Variants in RNLS observed in about 807,000 individuals in gnomAD.
The protein encoded by RNLS is renalase, FAD dependent amine oxidase.
Under a neutral mutation model 39.8 loss-of-function variants are expected in RNLS, and 39 were observed. The ratio of observed to expected loss-of-function variants is 0.98; its 90% CI spans 0.76 to 1.28. RNLS has a LOEUF of 1.28. RNLS is among the 50% of genes most tolerant of loss of function. The pLI, the probability that RNLS is intolerant of heterozygous loss-of-function variation, is 0.00. For missense variants in RNLS, 410 were observed against 413.3 expected, an observed-to-expected ratio of 0.99 and a Z score of 0.07; for synonymous variants, 147 against 150.7, an observed-to-expected ratio of 0.98 and a Z score of 0.18.
At chr10:88,324,163 A>G (rs1393084255) in intron 5 of RNLS, among the ~76,000 whole-genome samples, 1 of 152,110 alleles carries the variant, frequency 6.6e-6, no homozygotes, top group Non-Finnish European at 1.5e-5. Context: ...CCCTACGGAA[A>G]ACGGTATGGA....
chr10:88,269,996 C>T (rs1040031924), downstream of RNLS, among the ~76,000 whole-genome samples: 1 of 152,134 alleles, frequency 6.6e-6, no homozygotes, highest in Non-Finnish European at 1.5e-5. Flanking sequence ...TCCAGGCGTG[C>T]GTGACCACGC....
At chr10:88,525,281 T>C (rs1390712141) in intron 4 of RNLS, among the ~76,000 whole-genome samples, 1 of 151,854 alleles carries the variant, frequency 6.6e-6, no homozygotes, top group African/African-American at 2.4e-5. Flanking sequence ...ATTTTTTCAC[T>C]AATATAAACT....
At chr10:88,216,839 T>C in the RNLS span, among the ~76,000 whole-genome samples, 1 of 152,226 alleles carries the variant, frequency 6.6e-6, no homozygotes, top group Non-Finnish European at 1.5e-5. Context: ...TGTCTTTATC[T>C]GGAAATAATC....
At chr10:88,260,132 G>T in the RNLS span, among the ~76,000 whole-genome samples, 5 of 152,160 alleles carry the variant, frequency 3.3e-5, no homozygotes, top group African/African-American at 1.2e-4. Context: ...GCTCCCAAGA[G>T]AACACAATCT....
the RNLS span, among the ~76,000 whole-genome samples, chr10:88,218,079 G>A: frequency 3.3e-5 from 5 of 152,046 alleles, no homozygotes; most frequent in African/African-American, 7.2e-5. Flanking sequence ...AAAGACTCCC[G>A]ATTTTCTGGT....
chr10:88,377,404 A>G (rs1177471637), intron 4 of RNLS, among the ~76,000 whole-genome samples: 1 of 152,180 alleles, frequency 6.6e-6, no homozygotes, highest in African/African-American at 2.4e-5. Flanking sequence ...GTTCTGAGAA[A>G]TTCATCATTA....
At chr10:88,405,245 A>G (rs967442787) in intron 4 of RNLS, among the ~76,000 whole-genome samples, 3 of 152,048 alleles carry the variant, frequency 2.0e-5, no homozygotes, top group Admixed American at 6.6e-5. Flanking sequence ...TCTGGCAGAT[A>G]CAATTCGGGC....
At position 88,473,425 on chromosome 10, in the gene RNLS, AAC is replaced by A. The variant is rs112846794; in HGVS notation, c.526+99476_526+99477del. ...ACCATTTTATTTTTCTGGGTAGTAA[AAC>A]ACACACACACACACACACAAATATG... On this transcript the variant is annotated intron_variant, in intron 4 of 6. Coordinates refer to ENST00000331772, the MANE Select transcript of RNLS (RefSeq NM_001031709.3). 2.8e-4 allele frequency among the ~76,000 whole-genome samples: 42 copies of A among 150,426 alleles called. No individual in the cohort carries two copies. The East Asian group carries it at 3.1e-3, about 11-fold the overall frequency.
the RNLS span, among the ~76,000 whole-genome samples, chr10:88,182,124 A>G: frequency 6.6e-5 from 10 of 152,254 alleles, no homozygotes; most frequent in East Asian, 1.9e-3. Context: ...CTCTCCATAT[A>G]CATTAGAGTT....
At chr10:88,385,696 C>G (rs536701728) in intron 4 of RNLS, among the ~76,000 whole-genome samples, 1 of 152,172 alleles carries the variant, frequency 6.6e-6, no homozygotes, top group Admixed American at 6.5e-5. Context: ...CTGGGAAAAC[C>G]GTGGCAGCCT....
chr10:88,204,053 A>G, the RNLS span, among the ~76,000 whole-genome samples: 1 of 152,092 alleles, frequency 6.6e-6, no homozygotes, highest in Non-Finnish European at 1.5e-5. Context: ...AAGTTACACC[A>G]AGCCAGTAAA....
intron 5 of RNLS, among the ~76,000 whole-genome samples, chr10:88,351,721 T>C (rs576266888): frequency 6.6e-6 from 1 of 152,186 alleles, no homozygotes; most frequent in Non-Finnish European, 1.5e-5. Flanking sequence ...TTTAAAGTAG[T>C]TTTTTCCAAT....
Position 88,570,550 on chromosome 10 carries a change from T to C in RNLS, c.526+2353A>G, listed in dbSNP as rs185989787. 1.7e-3 allele frequency among the ~76,000 whole-genome samples: 258 copies of C among 152,354 alleles called. 2 individuals carry two copies. The highest frequency in any genetic ancestry group is 5.7e-3 in the African/African-American group (236 of 41,584). ...AGTTCTCTTCATGGCAGTACCTATA[T>C]TTATTTTGAGGTGTTACTTTGTCCC... is the stretch of plus-strand genomic sequence containing the variant. On this transcript the variant is annotated intron_variant, in intron 4 of 6. Coordinates refer to ENST00000331772, the MANE Select transcript of RNLS (RefSeq NM_001031709.3).
chr10:88,555,526 C>T (rs1848821482), intron 4 of RNLS, among the ~76,000 whole-genome samples: 1 of 152,038 alleles, frequency 6.6e-6, no homozygotes, highest in South Asian at 2.1e-4. Flanking sequence ...CTCCAGTTCC[C>T]CCTTCACGCT....
intron 4 of RNLS, among the ~76,000 whole-genome samples, chr10:88,514,126 A>G (rs1316198044): frequency 6.6e-6 from 1 of 152,056 alleles, no homozygotes; most frequent in African/African-American, 2.4e-5. Flanking sequence ...ATTTATAAAA[A>G]AAAAAAAAAA....
At chr10:88,559,778 G>C (rs562247078) in intron 4 of RNLS, among the ~76,000 whole-genome samples, 49 of 152,164 alleles carry the variant, frequency 3.2e-4, no homozygotes, top group African/African-American at 1.2e-3. Context: ...TGTTTGAGTG[G>C]ACTCTATATT....
In RNLS at chr10:88,529,677, C is replaced by T. The variant is rs538506980; in HGVS notation, c.526+43226G>A. Among the ~76,000 whole-genome samples, 3 of 152,282 alleles carry T rather than the reference C, an allele frequency of 2.0e-5. No homozygotes were observed. In the South Asian group the frequency reaches 6.2e-4, roughly 32 times the overall value. ...AAGGTGAGGAAGAGAGCAAAGTCTA[C>T]TTCCCATAATTATTTCAAGAGAAGA... On this transcript the variant is annotated intron_variant, in intron 4 of 6. Coordinates refer to ENST00000331772, the MANE Select transcript of RNLS (RefSeq NM_001031709.3).
At chr10:88,363,086 T>C (rs1849766478) in intron 4 of RNLS, among the ~76,000 whole-genome samples, 1 of 152,196 alleles carries the variant, frequency 6.6e-6, no homozygotes. Flanking sequence ...ATTTGCTATA[T>C]ACTTGACATA....
At chr10:88,525,031 TTA>T (rs1847031820) in intron 4 of RNLS, among the ~76,000 whole-genome samples, 1 of 104,948 alleles carries the variant, frequency 9.5e-6, no homozygotes, top group African/African-American at 3.6e-5. Context: ...CCCACAAAAA[TTA>T]AAATAAATAA....
Sources: allele counts gnomAD v4.1 joint callset (sites outside exome capture counted in the v4.1 genomes callset), GRCh38; gene constraint gnomAD v4.1.1; transcripts MANE v1.5; gene names NCBI Gene and HGNC (gene_info 2026-07-23, HGNC 2026-07-21).